Variants in DAB2IP observed in about 807,000 individuals in gnomAD.
The protein encoded by DAB2IP is DAB2 interacting protein.
In DAB2IP, 28 loss-of-function variants were observed where a neutral mutation model predicts 107.2. That is an observed-to-expected ratio of 0.26 (90% CI 0.19 to 0.36). The LOEUF is 0.36. Among genes scored for constraint, DAB2IP ranks in the 10% least tolerant of loss-of-function variants. The probability of loss-of-function intolerance (pLI) is 1.00; values close to 1 mark genes in which losing one functional copy is unlikely to be tolerated. For missense variants in DAB2IP, 1,400 were observed against 1,644.7 expected (o/e 0.85, Z 2.57); for synonymous variants, 755 against 706.4 (o/e 1.07, Z -1.09).
intron 4 of DAB2IP, among the ~76,000 whole-genome samples, chr9:121,758,505 C>T (rs1564205858): frequency 6.6e-6 from 1 of 152,184 alleles, no homozygotes; most frequent in South Asian, 2.1e-4. Flanking sequence ...TGTGGTTCCG[C>T]CTTTAGGGAA....
chr9:121,569,548 A>C (rs1181482069), intron 1 of DAB2IP, among the ~76,000 whole-genome samples: 3 of 152,236 alleles, frequency 2.0e-5, no homozygotes, highest in Admixed American at 2.0e-4. Context: ...GGCTGGGCGC[A>C]GTGGCTCATG....
intron 1 of DAB2IP, among the ~76,000 whole-genome samples, chr9:121,638,743 G>C (rs565956289): frequency 6.6e-6 from 1 of 152,246 alleles, no homozygotes; most frequent in East Asian, 1.9e-4. Flanking sequence ...GGACAGTTCG[G>C]GGGGATGGAG....
intron 1 of DAB2IP, among the ~76,000 whole-genome samples, chr9:121,675,210 A>G (rs1422150339): frequency 6.6e-6 from 1 of 152,058 alleles, no homozygotes; most frequent in Non-Finnish European, 1.5e-5. Context: ...CGCCCCCAGC[A>G]TTGCCCCAGA....
chr9:121,569,030 A>C (rs942497161), intron 1 of DAB2IP, among the ~76,000 whole-genome samples: 9 of 152,322 alleles, frequency 5.9e-5, no homozygotes, highest in African/African-American at 1.7e-4. Flanking sequence ...GGCCTTAGGA[A>C]AGGGACAGGC....
At position 121,701,317 on chromosome 9, in the gene DAB2IP, G is replaced by T. The variant is rs540736203; in HGVS notation, c.362+1859G>T. 1.3e-5 allele frequency among the ~76,000 whole-genome samples: 2 copies of T among 152,320 alleles called. No individual in the cohort carries two copies. The highest frequency in any genetic ancestry group is 4.1e-4 in the South Asian group (2 of 4,830). Reference sequence around the variant, plus strand: ...CCAGAGGTCGGGGCATGGCCAAGACGACCTCGTGCGGGTCCTGCCCCACTT... The same window carrying T: ...CCAGAGGTCGGGGCATGGCCAAGACTACCTCGTGCGGGTCCTGCCCCACTT... On this transcript the variant is annotated intron_variant, in intron 3 of 15. Coordinates refer to ENST00000408936, the Ensembl canonical transcript of DAB2IP. The surrounding 1 kb of genome is among the most constrained non-coding windows in gnomAD (Gnocchi z 4.7).
At chr9:121,659,663 A>G (rs1833118445) in intron 1 of DAB2IP, among the ~76,000 whole-genome samples, 1 of 152,188 alleles carries the variant, frequency 6.6e-6, no homozygotes, top group East Asian at 1.9e-4. Flanking sequence ...GCGTGGTGGC[A>G]GGCTCCTGTA....
intron 1 of DAB2IP, among the ~76,000 whole-genome samples, chr9:121,632,287 C>G (rs367622069): frequency 1.3e-5 from 2 of 152,354 alleles, no homozygotes; most frequent in African/African-American, 4.8e-5. Context: ...ATTTAAAGCT[C>G]AGCACAGTTC....
chr9:121,688,465 G>A (rs1009178354), intron 2 of DAB2IP, among the ~76,000 whole-genome samples: 3 of 152,170 alleles, frequency 2.0e-5, no homozygotes, highest in Admixed American at 1.3e-4. Context: ...CCCCGGCCTG[G>A]CATTCAAGCC....
chr9:121,727,686 T>C (rs1248957541), intron 3 of DAB2IP, among the ~76,000 whole-genome samples: 3 of 152,182 alleles, frequency 2.0e-5, no homozygotes, highest in African/African-American at 7.2e-5. Flanking sequence ...AAAAGGAATG[T>C]TGGGGGCCCC....
chr9:121,592,711 G>A (rs1025181249), intron 1 of DAB2IP, among the ~76,000 whole-genome samples: 1 of 152,198 alleles, frequency 6.6e-6, no homozygotes, highest in Non-Finnish European at 1.5e-5. Flanking sequence ...GGAAGAACTC[G>A]ACAAGTGGAC....
intron 3 of DAB2IP, among the ~76,000 whole-genome samples, chr9:121,729,120 C>T (rs938282534): frequency 2.0e-5 from 3 of 152,196 alleles, no homozygotes; most frequent in Admixed American, 6.5e-5. Context: ...TTAATCTTCA[C>T]AACACCTCTG....
At chr9:121,745,734 G>A (rs1832679015) in intron 3 of DAB2IP, among the ~76,000 whole-genome samples, 1 of 150,354 alleles carries the variant, frequency 6.7e-6, no homozygotes, top group Non-Finnish European at 1.5e-5. Flanking sequence ...GGATGCTGAG[G>A]TGCAGGAGAG....
chr9:121,576,076 T>A (rs552753530), intron 1 of DAB2IP: 1 of 152,652 alleles, frequency 6.6e-6, no homozygotes, highest in Admixed American at 6.5e-5. Context: ...AGGCCTCACC[T>A]TGGACACCTG....
intron 9 of DAB2IP, among the ~76,000 whole-genome samples, chr9:121,767,247 C>T (rs910601254): frequency 6.6e-6 from 1 of 152,308 alleles, no homozygotes; most frequent in African/African-American, 2.4e-5. Context: ...AGGGCTGGGT[C>T]GTCTCACTGT....
intron 1 of DAB2IP, among the ~76,000 whole-genome samples, chr9:121,641,541 C>A (rs1031658783): frequency 6.6e-6 from 1 of 152,184 alleles, no homozygotes; most frequent in Admixed American, 6.5e-5. Context: ...GGGCTGTGAG[C>A]CAGAGGAGCC....
At chr9:121,642,802 A>G (rs1832408579) in intron 1 of DAB2IP, among the ~76,000 whole-genome samples, 1 of 152,108 alleles carries the variant, frequency 6.6e-6, no homozygotes, top group Non-Finnish European at 1.5e-5. Flanking sequence ...CACAGATTAG[A>G]TAGTTTCAGG....
chr9:121,747,000 A>G (rs1018476251), intron 3 of DAB2IP, among the ~76,000 whole-genome samples: 8 of 152,152 alleles, frequency 5.3e-5, no homozygotes, highest in Non-Finnish European at 1.0e-4. Flanking sequence ...AAACATTCTC[A>G]GGAGTGGTGC....
rs187417307 is a variant in DAB2IP at position 121,733,601 on chromosome 9, C to T, written c.363-23412C>T. On this transcript the variant is annotated intron_variant, in intron 3 of 15. Transcript: ENST00000408936. Reference sequence around the variant, plus strand: ...CTGAGAACCAGAGATGAACAGACCCCAAGGAAGGCCTGGCAGGGCAGGCAG... The same window carrying T: ...CTGAGAACCAGAGATGAACAGACCCTAAGGAAGGCCTGGCAGGGCAGGCAG... Among the ~76,000 whole-genome samples, 39 of 152,268 alleles carry T rather than the reference C, an allele frequency of 2.6e-4. 1 individual carries two copies. The East Asian group carries it at 7.5e-3, about 29-fold the overall frequency.
chr9:121,724,545 G>A (rs558836204), intron 3 of DAB2IP, among the ~76,000 whole-genome samples: 7 of 152,204 alleles, frequency 4.6e-5, no homozygotes, highest in Non-Finnish European at 7.3e-5. Flanking sequence ...ACTCTAGACT[G>A]TACGCCACAT....
Sources: gnomAD v4.1 joint callset for allele counts (sites outside exome capture counted in the v4.1 genomes callset) on GRCh38, gnomAD v4.1.1 for gene constraint, Gnocchi (gnomAD v3.1) non-coding constraint, MANE v1.5 for transcripts, NCBI Gene and HGNC (gene_info 2026-07-23, HGNC 2026-07-21) for gene names.